KATNIP: variants seen among roughly 807,000 people sequenced by gnomAD.
KATNIP encodes the protein katanin-interacting protein.
Under a neutral mutation model 174.0 loss-of-function variants are expected in KATNIP, and 126 were observed. That is an observed-to-expected ratio of 0.72 (90% CI 0.63 to 0.84). KATNIP has a LOEUF of 0.84. KATNIP is among the 40% of genes least tolerant of loss of function. KATNIP has a pLI of 0.00. For missense variants in KATNIP, 1,958 were observed against 2,109.7 expected (o/e 0.93, Z 1.41); for synonymous variants, 810 against 835.7 (o/e 0.97, Z 0.53).
At chr16:27,707,129 T>C (rs1209675253) in intron 12 of KATNIP, among the ~76,000 whole-genome samples, 1 of 152,144 alleles carries the variant, frequency 6.6e-6, no homozygotes, top group Non-Finnish European at 1.5e-5. Context: ...CTGAGAGCAA[T>C]AGCACGTCTC....
chr16:27,690,352 AGATAGATAGAT>A (rs770784438), intron 8 of KATNIP, among the ~76,000 whole-genome samples: 6,920 of 124,118 alleles, frequency 0.056, 180 homozygotes, highest in Middle Eastern at 0.081. Flanking sequence ...ATAGATAGAT[AGATAGATAGAT>A]GATAGATAGA....
rs142098955 is a variant in KATNIP at position 27,662,243 on chromosome 16, A to G, written c.540+13508A>G. ...GCCACCATGCCCAGCCTAATTCACA[A>G]TTTCCTGTGGACCAAACAAAATATA... On this transcript the variant is annotated intron_variant, in intron 6 of 27. Transcript: ENST00000261588. Among the ~76,000 whole-genome samples, 10 of 151,008 alleles carry G rather than the reference A, an allele frequency of 6.6e-5. No homozygotes were observed. In the Admixed American group the frequency reaches 6.6e-4, roughly 10 times the overall value.
chr16:27,634,616 G>A (rs891252314), intron 5 of KATNIP, among the ~76,000 whole-genome samples: 4 of 152,120 alleles, frequency 2.6e-5, no homozygotes, highest in African/African-American at 4.8e-5. Flanking sequence ...ACCCTGCCCC[G>A]CAGCCTGGCT....
At chr16:27,618,295 T>C (rs1213129925) in intron 2 of KATNIP, 130 bp from the exon 3 acceptor site, 1 of 680,882 alleles carries the variant, frequency 1.5e-6, no homozygotes, top group Non-Finnish European at 2.6e-6. Context: ...GCAATGCGCC[T>C]GGGGTGTTGG....
intron 1 of KATNIP, among the ~76,000 whole-genome samples, chr16:27,558,892 G>C (rs77439116): frequency 1.3e-5 from 2 of 152,126 alleles, no homozygotes; most frequent in Non-Finnish European, 2.9e-5. Context: ...GTCGAATAAG[G>C]TCTACACTTG....
chr16:27,563,902 A>G (rs1031387280), intron 1 of KATNIP, among the ~76,000 whole-genome samples: 10 of 147,146 alleles, frequency 6.8e-5, no homozygotes, highest in African/African-American at 2.3e-4. Context: ...AAAAAAAAAA[A>G]AAAAAAAAAA....
At chr16:27,605,294 G>C (rs1457111143) in intron 2 of KATNIP, among the ~76,000 whole-genome samples, 1 of 152,074 alleles carries the variant, frequency 6.6e-6, no homozygotes, top group Non-Finnish European at 1.5e-5. Flanking sequence ...ATAACACCTT[G>C]CAATTTTAGA....
In KATNIP at chr16:27,699,601, T is replaced by G; in HGVS notation, c.1179+2T>G. Reference sequence around the variant, plus strand: ...GAGGAGAAGGAAGAGACCCTTGAGGTCAGTGCTAGGCAGAGATGAATGACA... The same window carrying G: ...GAGGAGAAGGAAGAGACCCTTGAGGGCAGTGCTAGGCAGAGATGAATGACA... On this transcript the variant is annotated splice_donor_variant, in intron 10 of 27. Transcript: ENST00000261588. LOFTEE classifies it high-confidence loss of function. 13 of 1,614,090 alleles carry G rather than the reference T, an allele frequency of 8.1e-6. No homozygotes were observed. Among genetic ancestry groups the G allele is most frequent in the Non-Finnish European group, 1.1e-5 (13 of 1,179,990 alleles).
chr16:27,679,980 G>A (rs1054365713), intron 7 of KATNIP, among the ~76,000 whole-genome samples: 5 of 151,856 alleles, frequency 3.3e-5, no homozygotes, highest in African/African-American at 9.7e-5. Flanking sequence ...CCTCCAGACC[G>A]CACTCAGAAG....
At chr16:27,720,990 G>A (rs573051001) in intron 13 of KATNIP, among the ~76,000 whole-genome samples, 98 of 152,266 alleles carry the variant, frequency 6.4e-4, no homozygotes, top group Admixed American at 1.4e-3. Context: ...TGCCCCTGGG[G>A]CCTCCATCAG....
intron 2 of KATNIP, among the ~76,000 whole-genome samples, chr16:27,583,998 G>A (rs1380425591): frequency 1.3e-5 from 2 of 152,092 alleles, no homozygotes; most frequent in African/African-American, 4.8e-5. Flanking sequence ...GTTTGGGGAT[G>A]AATCCTGGCT....
chr16:27,633,070 T>A lies in KATNIP; in HGVS notation c.408+1908T>A, dbSNP rs2076537706. 3.9e-5 allele frequency among the ~76,000 whole-genome samples: 6 copies of A among 152,078 alleles called. No homozygotes were observed. The South Asian group carries it at 1.2e-3, about 32-fold the overall frequency. On this transcript the variant is annotated intron_variant, in intron 5 of 27. Transcript: ENST00000261588. ...CGGCCGAAAAGGGCTGGTTTCTTTT[T>A]AACCCTTAGAAAAGAAAGCCTCCTG... is the stretch of plus-strand genomic sequence containing the variant.
At chr16:27,690,782 A>T (rs1392336231) in intron 8 of KATNIP, among the ~76,000 whole-genome samples, 1 of 152,192 alleles carries the variant, frequency 6.6e-6, no homozygotes, top group Non-Finnish European at 1.5e-5. Flanking sequence ...GACCACAGGG[A>T]GTGGGGTGCA....
At chr16:27,695,001 G>T (rs78031350) in intron 8 of KATNIP, among the ~76,000 whole-genome samples, 1 of 151,988 alleles carries the variant, frequency 6.6e-6, no homozygotes, top group African/African-American at 2.4e-5. Context: ...AAGCAACCCC[G>T]TCTTCTACTT....
intron 1 of KATNIP, among the ~76,000 whole-genome samples, chr16:27,559,123 A>G (rs1160590789): frequency 6.6e-6 from 1 of 152,182 alleles, no homozygotes; most frequent in African/African-American, 2.4e-5. Context: ...ATGCAGAGCA[A>G]TGTGGTTGGT....
intron 19 of KATNIP, among the ~76,000 whole-genome samples, chr16:27,762,654 C>G (rs557760740): frequency 6.6e-6 from 1 of 152,312 alleles, no homozygotes; most frequent in Non-Finnish European, 1.5e-5. Context: ...ATCCCTTGGC[C>G]TGGTGCTGAG....
intron 6 of KATNIP, among the ~76,000 whole-genome samples, chr16:27,666,791 C>T (rs1234127840): frequency 6.6e-6 from 1 of 152,114 alleles, no homozygotes; most frequent in Non-Finnish European, 1.5e-5. Context: ...CTTTGGGATG[C>T]CGAGGTAGGA....
chr16:27,648,823 G>C (rs764272535), intron 6 of KATNIP, 88 bp downstream of exon 6: 1 of 1,430,684 alleles, frequency 7.0e-7, no homozygotes, highest in Non-Finnish European at 9.6e-7. Flanking sequence ...CTTTCTGACA[G>C]TTATTTATTC....
chr16:27,772,104 C>T (rs1382131453), intron 22 of KATNIP, among the ~76,000 whole-genome samples: 3 of 152,094 alleles, frequency 2.0e-5, no homozygotes, highest in African/African-American at 7.2e-5. Flanking sequence ...TAATGAGACT[C>T]CATATCTTAA....
Sources: gnomAD v4.1 joint callset for allele counts (sites outside exome capture counted in the v4.1 genomes callset) on GRCh38, gnomAD v4.1.1 for gene constraint, MANE v1.5 for transcripts, NCBI Gene and HGNC (gene_info 2026-07-23, HGNC 2026-07-21) for gene names.